SLC4A4: variants seen among roughly 807,000 people sequenced by gnomAD.
SLC4A4 encodes the protein solute carrier family 4 member 4.
In SLC4A4, 27 loss-of-function variants were observed where a neutral mutation model predicts 111.5. The observed-to-expected ratio is 0.24, with a 90% CI of 0.18 to 0.33. The LOEUF (loss-of-function observed/expected upper bound fraction) is 0.33. Among genes scored for constraint, SLC4A4 ranks in the 10% least tolerant of loss-of-function variants. The probability of loss-of-function intolerance (pLI) is 1.00; values close to 1 mark genes in which losing one functional copy is unlikely to be tolerated. For synonymous variants in SLC4A4, 443 were observed against 463.4 expected, an observed-to-expected ratio of 0.96 and a Z score of 0.57; for missense variants, 909 against 1,315.5, an observed-to-expected ratio of 0.69 and a Z score of 4.78.
At chr4:71,365,038 G>A (rs557451951) in intron 6 of SLC4A4, among the ~76,000 whole-genome samples, 1 of 152,152 alleles carries the variant, frequency 6.6e-6, no homozygotes, top group South Asian at 2.1e-4. Context: ...AGAGTATAAA[G>A]ATTGATCATT....
At chr4:71,545,028 C>G (rs1020314550) in intron 18 of SLC4A4, among the ~76,000 whole-genome samples, 1 of 152,058 alleles carries the variant, frequency 6.6e-6, no homozygotes, top group Non-Finnish European at 1.5e-5. Context: ...CTCATCCCAC[C>G]TCTGCCCTCC....
intron 16 of SLC4A4, among the ~76,000 whole-genome samples, chr4:71,523,110 A>G (rs1733104254): frequency 6.6e-6 from 1 of 152,172 alleles, no homozygotes; most frequent in Non-Finnish European, 1.5e-5. Flanking sequence ...ATCTTGGTGA[A>G]TGGTAAAAAT....
At chr4:71,491,401 AGAAATT>A (rs2149138671) in intron 15 of SLC4A4, among the ~76,000 whole-genome samples, 1 of 152,072 alleles carries the variant, frequency 6.6e-6, no homozygotes, top group African/African-American at 2.4e-5. Flanking sequence ...TGAAAAAAAG[AGAAATT>A]GACTCTCAGG....
In SLC4A4 at chr4:71,411,155, A is replaced by T. The variant is rs562126273; in HGVS notation, c.807+13502A>T. Among the ~76,000 whole-genome samples, 7 of 152,260 alleles carry T rather than the reference A, an allele frequency of 4.6e-5. No homozygotes were observed. In the South Asian group the frequency reaches 1.5e-3, roughly 32 times the overall value. ...CCTGCCTGGTGTCTCTCTCCAAAGC[A>T]GATGTGCCAGGTTTTCTCCCGTCCT... is the stretch of plus-strand genomic sequence containing the variant. On this transcript the variant is annotated intron_variant, in intron 7 of 25. Coordinates refer to ENST00000264485, the MANE Select transcript of SLC4A4 (RefSeq NM_001098484.3).
At chr4:71,269,159 T>C (rs188233537) in intron 3 of SLC4A4, among the ~76,000 whole-genome samples, 1 of 152,348 alleles carries the variant, frequency 6.6e-6, no homozygotes, top group East Asian at 1.9e-4. Context: ...ATGAGGAGCC[T>C]TTGATAGGGT....
intron 16 of SLC4A4, among the ~76,000 whole-genome samples, chr4:71,528,676 T>C (rs991310862): frequency 6.6e-6 from 1 of 152,062 alleles, no homozygotes; most frequent in Non-Finnish European, 1.5e-5. Flanking sequence ...TTGTTCATTA[T>C]AGTGAAAAGT....
chr4:71,106,471 C>T (rs1451378832), intron 2 of SLC4A4, among the ~76,000 whole-genome samples: 19 of 147,294 alleles, frequency 1.3e-4, no homozygotes, highest in African/African-American at 4.3e-4. Context: ...GACACATGCA[C>T]ACATATGTTT....
At chr4:71,078,779 A>C (rs1319693393) in intron 1 of SLC4A4, among the ~76,000 whole-genome samples, 2 of 151,848 alleles carry the variant, frequency 1.3e-5, no homozygotes, top group African/African-American at 4.8e-5. Context: ...AGAATAAAGC[A>C]TTGCTGCTTT....
intron 2 of SLC4A4, among the ~76,000 whole-genome samples, chr4:71,111,422 C>T (rs1311727510): frequency 1.3e-5 from 2 of 150,066 alleles, no homozygotes; most frequent in South Asian, 2.1e-4. Flanking sequence ...AGTGCAATGA[C>T]GTGATCTTGG....
At chr4:71,173,006 C>G (rs148414444) in intron 2 of SLC4A4, among the ~76,000 whole-genome samples, 1 of 152,172 alleles carries the variant, frequency 6.6e-6, no homozygotes, top group African/African-American at 2.4e-5. Flanking sequence ...AAACAAATAC[C>G]ATGGTGTTAC....
intron 1 of SLC4A4, among the ~76,000 whole-genome samples, chr4:71,064,233 T>A (rs1741458440): frequency 6.6e-6 from 1 of 152,234 alleles, no homozygotes; most frequent in South Asian, 2.1e-4. Flanking sequence ...ATTCAGCTTT[T>A]CTGAACCTCA....
intron 2 of SLC4A4, among the ~76,000 whole-genome samples, chr4:71,126,353 T>C (rs1457100701): frequency 6.6e-6 from 1 of 152,206 alleles, no homozygotes; most frequent in Non-Finnish European, 1.5e-5. Context: ...TGTTATGTTT[T>C]GACTTATGAA....
chr4:71,353,076 G>A (rs750624500), intron 5 of SLC4A4, among the ~76,000 whole-genome samples: 1 of 152,172 alleles, frequency 6.6e-6, no homozygotes, highest in South Asian at 2.1e-4. Context: ...ATACTGGAAC[G>A]TCTTTAGCGA....
intron 7 of SLC4A4, chr4:71,437,709 G>A: frequency 2.7e-6 from 1 of 369,142 alleles, no homozygotes; most frequent in South Asian, 2.6e-5. Context: ...CTATAATGGA[G>A]ATCTTATTGG....
At chr4:71,144,958 G>T (rs1347792344) in intron 2 of SLC4A4, among the ~76,000 whole-genome samples, 26 of 151,852 alleles carry the variant, frequency 1.7e-4, no homozygotes, top group Non-Finnish European at 3.1e-4. Flanking sequence ...CTGCCTGATT[G>T]CCCTGGCCAG....
rs1449950226 is a variant in SLC4A4, at chr4:71,255,285, A to G, written c.139A>G (p.Arg47Gly). 6.2e-7 allele frequency: 1 copy of G among 1,613,588 alleles called. No individual in the cohort carries two copies. The highest frequency in any genetic ancestry group is 2.2e-5 in the East Asian group (1 of 44,860). Residue 47 changes from arginine (R) to glycine (G), a missense_variant, in exon 3 of 26, where the codon AGA becomes GGA. Physicochemically the swap from Arg to Gly is moderately radical, Grantham distance 125 (BLOSUM62 -2). Transcript: ENST00000264485. ...KSYRRRRRHK[R>G]KTGHKEKKEK... ...TTACAGGAGAAGGAGACGTCACAAG[A>G]GAAAGACAGGGCACAAAGAAAAGAA...
intron 1 of SLC4A4, among the ~76,000 whole-genome samples, chr4:71,065,211 A>C (rs974218920): frequency 6.6e-6 from 1 of 152,144 alleles, no homozygotes; most frequent in Non-Finnish European, 1.5e-5. Context: ...AGTTTCTATT[A>C]TATTTATTGT....
intron 2 of SLC4A4, among the ~76,000 whole-genome samples, chr4:71,150,916 G>C (rs1022806762): frequency 2.6e-5 from 4 of 152,102 alleles, no homozygotes; most frequent in African/African-American, 9.7e-5. Flanking sequence ...CAGGTATGTT[G>C]GGGAAGAAAT....
chr4:71,571,065 C>G lies in SLC4A4; in HGVS notation c.*3314C>G, dbSNP rs1429615294. ...TTTTATGCTCATGCACCAACCCATA[C>G]AGAGTAAATCTTTTATCAACTGTAT... On this transcript the variant is annotated 3_prime_UTR_variant, in exon 26 of 26. Coordinates refer to ENST00000264485, the MANE Select transcript of SLC4A4 (RefSeq NM_001098484.3). 1 of 152,230 alleles carries G rather than the reference C, an allele frequency of 6.6e-6. No individual in the cohort carries two copies. The allele number at this position is 152,230 out of a possible 1,614,324, so 9.4% of individuals were successfully genotyped here. A position where few individuals can be genotyped will look rare whatever the true frequency, so the allele number is the denominator to read the frequency against.
Sources: gnomAD v4.1 joint callset for allele counts (sites outside exome capture counted in the v4.1 genomes callset) on GRCh38, gnomAD v4.1.1 for gene constraint, MANE v1.5 for transcripts, NCBI Gene and HGNC (gene_info 2026-07-23, HGNC 2026-07-21) for gene names.